The following PHLDB2 variants were observed in gnomAD, a reference collection of about 807,000 sequenced individuals.
PHLDB2 encodes pleckstrin homology-like domain family B member 2.
Under a neutral mutation model 123.6 loss-of-function variants are expected in PHLDB2, and 71 were observed. That is an observed-to-expected ratio of 0.57 (90% CI 0.47 to 0.70). The LOEUF (loss-of-function observed/expected upper bound fraction) is 0.70, where lower values mean the gene tolerates loss of function less well. Ranked by LOEUF, PHLDB2 falls within the 30% of genes least tolerant of loss-of-function variation. The pLI is 0.00. For missense variants in PHLDB2, 1,446 were observed against 1,519.5 expected (o/e 0.95, Z 0.80); for synonymous variants, 547 against 541.6 (o/e 1.01, Z -0.14).
At chr3:111,817,514 G>T (rs1310108695) in intron 1 of PHLDB2, among the ~76,000 whole-genome samples, 4 of 152,144 alleles carry the variant, frequency 2.6e-5, no homozygotes, top group Non-Finnish European at 1.5e-5. Flanking sequence ...ACTTTCTGAG[G>T]ATGTCACCTT....
chr3:111,780,399 A>AGAAGAAGAAGAAGGAGAAG lies in PHLDB2; in HGVS notation c.-49+47708_-49+47709insGGAGAAGGAAGAAGAAGAA, dbSNP rs1553726797. On this transcript the variant is annotated intron_variant, in intron 1 of 17. Transcript: ENST00000393923. Reference sequence around the variant, plus strand: ...AAGAAGAAGAAGAAGAAGAAGAAGAAGAAGAAGAAGAAAAAGATTAGTTCG... The same window carrying AGAAGAAGAAGAAGGAGAAG: ...AAGAAGAAGAAGAAGAAGAAGAAGAAGAAGAAGAAGAAGGAGAAGGAAGAAGAAGAAAAAGATTAGTTCG... 5.4e-5 allele frequency among the ~76,000 whole-genome samples: 4 copies of AGAAGAAGAAGAAGGAGAAG among 74,364 alleles called. 1 individual carries two copies. Among genetic ancestry groups the AGAAGAAGAAGAAGGAGAAG allele is most frequent in the Admixed American group, 1.4e-4 (1 of 6,984 alleles). 48.8% of individuals were successfully genotyped at this position (74,364 alleles called of 152,430 possible). A position where few individuals can be genotyped will look rare whatever the true frequency, so the allele number is the denominator to read the frequency against.
chr3:111,885,732 T>C, intron 2 of PHLDB2: 1 of 611,206 alleles, frequency 1.6e-6, no homozygotes, highest in Non-Finnish European at 2.9e-6. Flanking sequence ...AAACTTCTCT[T>C]TAAGACTATG....
At chr3:111,835,716 TACTC>T (rs765117773) in intron 1 of PHLDB2, among the ~76,000 whole-genome samples, 49 of 152,350 alleles carry the variant, frequency 3.2e-4, no homozygotes, top group Admixed American at 2.7e-3. Context: ...TCTGAAATCT[TACTC>T]ACTTGTCTGG....
intron 5 of PHLDB2, among the ~76,000 whole-genome samples, chr3:111,927,804 C>A (rs2068898097): frequency 6.6e-6 from 1 of 152,138 alleles, no homozygotes; most frequent in African/African-American, 2.4e-5. Context: ...GTATTGCACA[C>A]TTAAATATGA....
intron 3 of PHLDB2, chr3:111,914,347 A>C (rs2068049430): frequency 1.3e-5 from 2 of 151,870 alleles, no homozygotes; most frequent in Admixed American, 6.6e-5. Flanking sequence ...TGTATTTTTC[A>C]CTTTACTCAA....
intron 1 of PHLDB2, among the ~76,000 whole-genome samples, chr3:111,734,573 T>C (rs1284733167): frequency 6.6e-6 from 1 of 152,236 alleles, no homozygotes; most frequent in Non-Finnish European, 1.5e-5. Flanking sequence ...GTACAGCTTT[T>C]TCTTTCCATT....
chr3:111,965,595 A>T (rs146917481), intron 13 of PHLDB2, among the ~76,000 whole-genome samples: 1 of 152,188 alleles, frequency 6.6e-6, no homozygotes, highest in Non-Finnish European at 1.5e-5. Flanking sequence ...TCCCTACTCT[A>T]TGCCAGGTTC....
chr3:111,738,563 T>A (rs4682302), intron 1 of PHLDB2, among the ~76,000 whole-genome samples: 1 of 152,132 alleles, frequency 6.6e-6, no homozygotes, highest in East Asian at 1.9e-4. Context: ...ATGAGAAGGT[T>A]TTAAATTTAT....
intron 2 of PHLDB2, among the ~76,000 whole-genome samples, chr3:111,898,034 C>T (rs962335230): frequency 2.6e-5 from 4 of 152,050 alleles, no homozygotes; most frequent in Admixed American, 1.3e-4. Flanking sequence ...TAAAAAAATA[C>T]TAACAATTAT....
chr3:111,878,903 C>T (rs4682323), intron 1 of PHLDB2, among the ~76,000 whole-genome samples: 1 of 151,892 alleles, frequency 6.6e-6, no homozygotes, highest in Admixed American at 6.6e-5. Context: ...GGATGAAGCC[C>T]ACTTGATCAT....
chr3:111,948,246 CGT>C (rs561953059), intron 9 of PHLDB2, among the ~76,000 whole-genome samples: 3,055 of 149,056 alleles, frequency 0.02, 102 homozygotes, highest in African/African-American at 0.069. Context: ...CTTAGGACTC[CGT>C]GTGTGTGTGT....
chr3:111,749,761 A>G (rs1213698682), intron 1 of PHLDB2, among the ~76,000 whole-genome samples: 2 of 152,228 alleles, frequency 1.3e-5, no homozygotes, highest in African/African-American at 4.8e-5. Context: ...CTTTAACAAT[A>G]GTATCCTTGT....
intron 2 of PHLDB2, among the ~76,000 whole-genome samples, chr3:111,897,791 T>A (rs934889489): frequency 6.6e-6 from 1 of 152,208 alleles, no homozygotes. Flanking sequence ...GAGATTTCAA[T>A]TTACAAGTTG....
At chr3:111,953,835 C>A in intron 11 of PHLDB2, 95 bp from the exon 12 acceptor site, 1 of 950,438 alleles carries the variant, frequency 1.1e-6, no homozygotes, top group Non-Finnish European at 1.6e-6. Flanking sequence ...GCCCTGTACA[C>A]TTAGATAGGA....
intron 1 of PHLDB2, among the ~76,000 whole-genome samples, chr3:111,810,827 A>C (rs2061803558): frequency 6.6e-6 from 1 of 152,228 alleles, no homozygotes; most frequent in Middle Eastern, 3.2e-3. Context: ...TGTCCAAAAT[A>C]AATTTTACAA....
At chr3:111,942,033 A>G (rs1196462001) in intron 8 of PHLDB2, among the ~76,000 whole-genome samples, 3 of 152,044 alleles carry the variant, frequency 2.0e-5, no homozygotes, top group Non-Finnish European at 2.9e-5. Flanking sequence ...CCTCACTACT[A>G]TTTTACCTTT....
Position 111,919,063 on chromosome 3 carries a change from T to G in PHLDB2, c.1720-9T>G. On this transcript the variant is annotated splice_polypyrimidine_tract_variant and intron_variant, in intron 3 of 17. Transcript: ENST00000431670. ...GTGAATAATCCATTTCTGTGTTGAT[T>G]AATCGCAGACCCCAGAGGGTATAAG... The G allele has an allele frequency of 6.2e-7, 1 of 1,613,498 alleles. No homozygotes were observed. Among genetic ancestry groups the G allele is most frequent in the Non-Finnish European group, 8.5e-7 (1 of 1,179,420 alleles).
intron 1 of PHLDB2, among the ~76,000 whole-genome samples, chr3:111,827,031 A>T (rs2062685847): frequency 6.6e-6 from 1 of 152,232 alleles, no homozygotes; most frequent in Non-Finnish European, 1.5e-5. Flanking sequence ...CTCATGTCAC[A>T]ATGTCCAAGA....
intron 1 of PHLDB2, among the ~76,000 whole-genome samples, chr3:111,835,440 T>C (rs1354249735): frequency 7.9e-5 from 12 of 152,198 alleles, no homozygotes; most frequent in Admixed American, 7.9e-4. Context: ...TAATGGTGCC[T>C]GCTTCCCCAG....
Sources: gnomAD v4.1 joint callset for allele counts (sites outside exome capture counted in the v4.1 genomes callset) on GRCh38, gnomAD v4.1.1 for gene constraint, MANE v1.5 for transcripts, NCBI Gene and HGNC (gene_info 2026-07-23, HGNC 2026-07-21) for gene names.